C16orf89: variants seen among roughly 807,000 people sequenced by gnomAD.
C16orf89 encodes the protein chromosome 16 open reading frame 89.
In C16orf89, 57 loss-of-function variants were observed where a neutral mutation model predicts 41.5. That is an observed-to-expected ratio of 1.38 (90% CI 1.11 to 1.71). The LOEUF (loss-of-function observed/expected upper bound fraction) is 1.71. Ranked by LOEUF, C16orf89 falls within the 40% of genes most tolerant of loss-of-function variation. The pLI, the probability that C16orf89 is intolerant of heterozygous loss-of-function variation, is 0.00. For missense variants in C16orf89, 575 were observed against 445.9 expected (o/e 1.29, Z -2.61); for synonymous variants, 223 against 190.6 (o/e 1.17, Z -1.40).
Position 5,058,608 on chromosome 16 carries a change from G to A in C16orf89, c.512C>T (p.Thr171Met), listed in dbSNP as rs372507235. The change falls in exon 4 of 8, where the codon ACG (threonine) becomes ATG (methionine). Residue 171 changes from threonine (T) to methionine (M), a missense_variant and splice_region_variant. Transcript: ENST00000472572. ...VCLVQLLGTGTDSSEPCGLSD... is the reference protein window; with the variant it reads ...VCLVQLLGTGMDSSEPCGLSD... ...GAGGCCGCAGGGCTCGCTGCTGTCC[G>A]TCCTGGGGGAAAGTGGTTCCAAGCT... 96 of 1,608,368 alleles carry A rather than the reference G, an allele frequency of 6.0e-5. No homozygotes were observed. Among genetic ancestry groups the A allele is most frequent in the African/African-American group, 1.2e-4 (9 of 74,798 alleles).
At chr16:5,059,517 G>A (rs1175742518) in intron 3 of C16orf89, among the ~76,000 whole-genome samples, 1 of 152,054 alleles carries the variant, frequency 6.6e-6, no homozygotes. Flanking sequence ...GTCCTTGGCT[G>A]GGGCCCAGCC....
At chr16:5,055,594 G>T in intron 5 of C16orf89, 1 of 1,304,408 alleles carries the variant, frequency 7.7e-7, no homozygotes, top group African/African-American at 1.5e-5. Flanking sequence ...CAGGATCAGT[G>T]GAGGAGTTTG....
chr16:5,045,463 G>A (rs931964391), intron 7 of C16orf89, among the ~76,000 whole-genome samples: 12 of 152,164 alleles, frequency 7.9e-5, no homozygotes, highest in Non-Finnish European at 1.8e-4. Flanking sequence ...CTCACAATCT[G>A]TCTGCTTGTG....
In C16orf89 at chr16:5,060,319, C is replaced by A. The variant is rs1303362415; in HGVS notation, c.476G>T (p.Ser159Ile). The change falls in exon 3 of 8, where the codon AGT becomes ATT. Residue 159 changes from serine to isoleucine, a missense_variant. Ser to Ile is a moderately radical substitution (Grantham distance 142, BLOSUM62 -2). Transcript: ENST00000472572. The stretch of plus-strand genomic sequence containing the variant: ...CAGCAGCTGCACCAGGCACACGTCA[C>A]TTCTCTCCTCTGAGAATGAGTCCTG... ...GPQDSFSEER[S>I]DVCLVQLLGT... is the part of the protein sequence containing the mutation. The A allele has an allele frequency of 4.3e-6, 7 of 1,612,832 alleles. No individual in the cohort carries two copies. The highest frequency in any genetic ancestry group is 5.9e-6 in the Non-Finnish European group (7 of 1,179,536).
At position 5,055,578 on chromosome 16, in the gene C16orf89, C is replaced by G. The variant is rs1287268554; in HGVS notation, c.764-228G>C. 3.2e-6 allele frequency: 4 copies of G among 1,248,678 alleles called. No individual in the cohort carries two copies. The East Asian group carries it at 1.0e-4, about 32-fold the overall frequency. 77.3% of individuals were successfully genotyped at this position (1,248,678 alleles called of 1,614,324 possible). ...CTGAGGGCCTTGGTCAGGGCTGCTC[C>G]AAAGTCAGGATCAGTGGAGGAGTTT... On this transcript the variant is annotated intron_variant, in intron 5 of 7. Transcript: ENST00000472572.
chr16:5,055,498 G>A, intron 5 of C16orf89, 148 bp from the exon 6 acceptor site: 1 of 951,220 alleles, frequency 1.1e-6, no homozygotes, highest in South Asian at 1.7e-5. Context: ...GAAGGAGGCA[G>A]CTTGAGCCTT....
At chr16:5,060,167 C>G in intron 3 of C16orf89, 119 bp downstream of exon 3, 13 of 1,268,128 alleles carry the variant, frequency 1.0e-5, no homozygotes, top group Middle Eastern at 4.0e-4. Flanking sequence ...GGAGCTGCAC[C>G]TGTGTCTGCA....
intron 7 of C16orf89, chr16:5,044,967 C>A: frequency 1.7e-6 from 2 of 1,178,420 alleles, no homozygotes; most frequent in South Asian, 1.5e-5. Context: ...CTGCTAAGGG[C>A]TCCCTTCTCT....
intron 6 of C16orf89, among the ~76,000 whole-genome samples, chr16:5,053,434 G>C (rs1956433960): frequency 6.6e-6 from 1 of 152,068 alleles, no homozygotes; most frequent in Non-Finnish European, 1.5e-5. Context: ...TGGGGGAGAG[G>C]AGATAACCAG....
intron 6 of C16orf89, among the ~76,000 whole-genome samples, chr16:5,052,150 G>A (rs924567741): frequency 6.9e-6 from 1 of 145,008 alleles, no homozygotes; most frequent in Non-Finnish European, 1.5e-5. Flanking sequence ...AAAGGCAAAT[G>A]AGCTGCATAG....
At chr16:5,051,378 C>CA (rs60636105) in intron 6 of C16orf89, among the ~76,000 whole-genome samples, 3,816 of 152,146 alleles carry the variant, frequency 0.025, 146 homozygotes, top group African/African-American at 0.087. Context: ...AATAAACATA[C>CA]AAAAAATCAG....
At chr16:5,062,346 G>C in intron 2 of C16orf89, 79 bp downstream of exon 2, 1 of 1,471,638 alleles carries the variant, frequency 6.8e-7, no homozygotes, top group Non-Finnish European at 9.1e-7. Context: ...TGCCCCAGGA[G>C]AGCCCACGCT....
At chr16:5,052,664 T>A (rs1956419572) in intron 6 of C16orf89, among the ~76,000 whole-genome samples, 1 of 151,976 alleles carries the variant, frequency 6.6e-6, no homozygotes, top group Non-Finnish European at 1.5e-5. Context: ...GGGGAACTCT[T>A]ACACACAGTT....
chr16:5,046,988 A>C (rs533791123), intron 7 of C16orf89, among the ~76,000 whole-genome samples: 1 of 152,060 alleles, frequency 6.6e-6, no homozygotes, highest in Non-Finnish European at 1.5e-5. Context: ...TTGCCCATTC[A>C]TTGGCTTTCG....
chr16:5,060,722 C>G (rs1383521791), intron 2 of C16orf89, among the ~76,000 whole-genome samples: 3 of 152,086 alleles, frequency 2.0e-5, no homozygotes, highest in Admixed American at 1.3e-4. Flanking sequence ...TTTAGTTTCC[C>G]AGGTGCAGGG....
At chr16:5,054,873 A>T (rs1956460668) in intron 6 of C16orf89, among the ~76,000 whole-genome samples, 1 of 152,086 alleles carries the variant, frequency 6.6e-6, no homozygotes, top group African/African-American at 2.4e-5. Flanking sequence ...TTCGCCTTCC[A>T]CTATGATTGT....
chr16:5,047,328 T>G (rs757145238), intron 7 of C16orf89, among the ~76,000 whole-genome samples: 29 of 152,224 alleles, frequency 1.9e-4, no homozygotes, highest in Non-Finnish European at 4.0e-4. Flanking sequence ...TTCCCTCTGT[T>G]GAAGTTCCTG....
intron 2 of C16orf89, among the ~76,000 whole-genome samples, chr16:5,061,281 AAAAG>A (rs1956615484): frequency 6.8e-6 from 1 of 147,846 alleles, no homozygotes; most frequent in Non-Finnish European, 1.5e-5. Context: ...AAAAAAAAAA[AAAAG>A]CCGGGCGTGG....
At position 5,044,144 on chromosome 16, in the gene C16orf89, C is replaced by T. The variant is rs1332812617; in HGVS notation, c.*204G>A. The stretch of plus-strand genomic sequence containing the variant: ...GGGTCAGTTGCAGTTGAACTTTATT[C>T]ATCCGTTCACACCTGGGTCCCTCCC... On this transcript the variant is annotated 3_prime_UTR_variant, in exon 8 of 8. Transcript: ENST00000472572. 2.3e-6 allele frequency: 3 copies of T among 1,287,308 alleles called. No individual in the cohort carries two copies. The highest frequency in any genetic ancestry group is 2.9e-6 in the Non-Finnish European group (3 of 1,020,696). 79.7% of individuals were successfully genotyped at this position (1,287,308 alleles called of 1,614,324 possible).
Sources: gnomAD v4.1 joint callset for allele counts (sites outside exome capture counted in the v4.1 genomes callset) on GRCh38, gnomAD v4.1.1 for gene constraint, MANE v1.5 for transcripts, NCBI Gene and HGNC (gene_info 2026-07-23, HGNC 2026-07-21) for gene names.